The following DYSF variants were observed in gnomAD, a reference collection of about 807,000 sequenced individuals.
DYSF encodes the protein dysferlin, also known as dystrophy-associated fer-1-like 1.
In DYSF, 212 loss-of-function variants were observed where a neutral mutation model predicts 274.9. That is an observed-to-expected ratio of 0.77 (90% CI 0.69 to 0.86). The LOEUF (loss-of-function observed/expected upper bound fraction) is 0.86, where lower values mean the gene tolerates loss of function less well. Among genes scored for constraint, DYSF ranks in the 40% least tolerant of loss-of-function variants. DYSF has a pLI of 0.00. For synonymous variants in DYSF, 1,091 were observed against 1,078.7 expected (o/e 1.01, Z -0.22); for missense variants, 2,666 against 2,783.2 (o/e 0.96, Z 0.95).
At chr2:71,560,676 G>A (rs1478224651) in intron 22 of DYSF, among the ~76,000 whole-genome samples, 4 of 152,052 alleles carry the variant, frequency 2.6e-5, no homozygotes, top group Non-Finnish European at 5.9e-5. Flanking sequence ...ATCTGGCGGC[G>A]GCGGTGCCGC....
intron 41 of DYSF, among the ~76,000 whole-genome samples, chr2:71,622,144 T>TTTTTTTTTTTTTTTTTTCTTTTTTA (rs2094121999): frequency 1.1e-5 from 1 of 93,778 alleles, no homozygotes; most frequent in South Asian, 3.8e-4. Flanking sequence ...TTTTTTTTTT[T>TTTTTTTTTTTTTTTTTTCTTTTTTA]TTGTTACGCC....
chr2:71,489,029 T>C (rs2152693095), intron 3 of DYSF, among the ~76,000 whole-genome samples: 1 of 152,300 alleles, frequency 6.6e-6, no homozygotes, highest in South Asian at 2.1e-4. Flanking sequence ...GGAATAAGCG[T>C]GGACTTTGAG....
At chr2:71,550,953 G>C (rs2090900256) in intron 17 of DYSF, 88 bp from the exon 18 acceptor site, 3 of 1,133,452 alleles carry the variant, frequency 2.6e-6, no homozygotes, top group Non-Finnish European at 4.0e-6. Flanking sequence ...CTGAGGGCCA[G>C]GGGTGGGCTC....
At chr2:71,603,917 G>A (rs973698632) in intron 36 of DYSF, among the ~76,000 whole-genome samples, 1 of 152,208 alleles carries the variant, frequency 6.6e-6, no homozygotes. Flanking sequence ...CTCAGATTCC[G>A]AGGGCAGGGA....
At chr2:71,672,829 AG>A (rs939172000) in intron 51 of DYSF, among the ~76,000 whole-genome samples, 3 of 152,182 alleles carry the variant, frequency 2.0e-5, no homozygotes, top group Non-Finnish European at 2.9e-5. Flanking sequence ...GGCCCGGAAA[AG>A]GGGGGAGGCA....
intron 13 of DYSF, 72 bp downstream of exon 13, chr2:71,526,418 T>TGGGTGGGGGGGGGGG: frequency 7.6e-6 from 2 of 261,504 alleles, no homozygotes; most frequent in East Asian, 9.4e-5. Flanking sequence ...GGGTGGGCGA[T>TGGGTGGGGGGGGGGG]GGCGGGCGGG....
chr2:71,606,660 A>G (rs1358797733), intron 36 of DYSF, among the ~76,000 whole-genome samples: 2 of 152,142 alleles, frequency 1.3e-5, no homozygotes, highest in Non-Finnish European at 2.9e-5. Context: ...GACCATAGGA[A>G]TGGGGTATGT....
At chr2:71,548,260 TCTC>T (rs1367408641) in intron 17 of DYSF, among the ~76,000 whole-genome samples, 1 of 152,180 alleles carries the variant, frequency 6.6e-6, no homozygotes, top group East Asian at 1.9e-4. Context: ...CCTTCTCTCT[TCTC>T]CACTCTTTCT....
intron 14 of DYSF, among the ~76,000 whole-genome samples, chr2:71,529,440 T>C (rs1440186720): frequency 6.6e-6 from 1 of 152,226 alleles, no homozygotes; most frequent in African/African-American, 2.4e-5. Flanking sequence ...CTCTGACTCC[T>C]CTCTTTCCTG....
At chr2:71,656,644 A>G (rs1019620114) in intron 43 of DYSF, among the ~76,000 whole-genome samples, 18 of 152,176 alleles carry the variant, frequency 1.2e-4, no homozygotes, top group African/African-American at 3.9e-4. Context: ...AGAGTTCCAC[A>G]TGGCTGGCAA....
chr2:71,492,683 T>A (rs986410728), intron 3 of DYSF, among the ~76,000 whole-genome samples: 26 of 147,598 alleles, frequency 1.8e-4, no homozygotes, highest in African/African-American at 6.4e-4. Flanking sequence ...TACTTATTAT[T>A]ATTATCTCCC....
chr2:71,662,803 CTG>C (rs145472396), intron 45 of DYSF, among the ~76,000 whole-genome samples: 27 of 143,712 alleles, frequency 1.9e-4, no homozygotes, highest in African/African-American at 2.9e-4. Flanking sequence ...GTCTGTGTGT[CTG>C]TGTGTGGTGT....
intron 41 of DYSF, among the ~76,000 whole-genome samples, chr2:71,621,255 G>A (rs995909704): frequency 2.0e-5 from 3 of 152,128 alleles, no homozygotes; most frequent in East Asian, 1.9e-4. Context: ...GGAGGGTGGC[G>A]TAAGAGACAG....
At chr2:71,664,147 A>G (rs1287084779) in intron 45 of DYSF, 121 bp from the exon 46 acceptor site, 33 of 1,273,478 alleles carry the variant, frequency 2.6e-5, no homozygotes, top group Non-Finnish European at 4.5e-6. Flanking sequence ...TTGGGCCTGT[A>G]AGATCTGTAG....
intron 42 of DYSF, among the ~76,000 whole-genome samples, chr2:71,652,339 A>T (rs2094680403): frequency 6.6e-6 from 1 of 152,264 alleles, no homozygotes; most frequent in South Asian, 2.1e-4. Context: ...AGACAAAATT[A>T]TCCCTGTGTC....
intron 40 of DYSF, among the ~76,000 whole-genome samples, chr2:71,617,629 TGTGTGTGGC>T (rs2093917667): frequency 2.2e-5 from 3 of 137,838 alleles, no homozygotes; most frequent in Admixed American, 7.1e-5. Context: ...GTAGAGGTGA[TGTGTGTGGC>T]AGAGGTGGTG....
intron 14 of DYSF, among the ~76,000 whole-genome samples, chr2:71,534,581 C>T (rs2089106884): frequency 6.6e-6 from 1 of 152,174 alleles, no homozygotes; most frequent in South Asian, 2.1e-4. Flanking sequence ...CTCTGATCTC[C>T]TAGGGGTCAC....
intron 22 of DYSF, among the ~76,000 whole-genome samples, chr2:71,557,187 C>A (rs1305678288): frequency 6.6e-6 from 1 of 152,180 alleles, no homozygotes; most frequent in Non-Finnish European, 1.5e-5. Context: ...GAAAAATGGG[C>A]AGAGGAGGTA....
intron 1 of DYSF, among the ~76,000 whole-genome samples, chr2:71,471,832 G>A (rs1425848849): frequency 2.6e-5 from 4 of 152,080 alleles, no homozygotes; most frequent in Admixed American, 2.6e-4. Flanking sequence ...CAGGCATGGT[G>A]GTGTGTGCCT....
Sources: gnomAD v4.1 joint callset for allele counts (sites outside exome capture counted in the v4.1 genomes callset) on GRCh38, gnomAD v4.1.1 for gene constraint, MANE v1.5 for transcripts, NCBI Gene and HGNC (gene_info 2026-07-23, HGNC 2026-07-21) for gene names.